The following MEGF10 variants were observed in gnomAD, a reference collection of about 807,000 sequenced individuals.
MEGF10 encodes multiple EGF like domains 10, also known as multiple epidermal growth factor-like domains protein 10.
In MEGF10, 86 loss-of-function variants were observed where a neutral mutation model predicts 147.5. The observed-to-expected ratio is 0.58, with a 90% CI of 0.49 to 0.70. MEGF10 has a LOEUF of 0.70. Ranked by LOEUF, MEGF10 falls within the 30% of genes least tolerant of loss-of-function variation. The pLI is 0.00. For synonymous variants in MEGF10, 478 were observed against 525.5 expected, an observed-to-expected ratio of 0.91 and a Z score of 1.24; for missense variants, 1,329 against 1,487.3, an observed-to-expected ratio of 0.89 and a Z score of 1.75.
At chr5:127,384,139 G>T (rs993032325) in intron 5 of MEGF10, among the ~76,000 whole-genome samples, 1 of 152,130 alleles carries the variant, frequency 6.6e-6, no homozygotes, top group African/African-American at 2.4e-5. Flanking sequence ...CCAGCAATGT[G>T]TGCAATCCTG....
chr5:127,239,948 A>AC, the MEGF10 span, among the ~76,000 whole-genome samples: 1 of 152,126 alleles, frequency 6.6e-6, no homozygotes, highest in East Asian at 1.9e-4. Flanking sequence ...CTGGACCCTG[A>AC]CCCCATCCCC....
intron 5 of MEGF10, among the ~76,000 whole-genome samples, chr5:127,383,374 G>A (rs1293943566): frequency 3.3e-5 from 5 of 152,070 alleles, no homozygotes; most frequent in African/African-American, 1.2e-4. Flanking sequence ...AGGCTGAGGT[G>A]GGGGTATTAC....
chr5:127,459,088 C>T lies in MEGF10; in HGVS notation c.*1770C>T, dbSNP rs2127052979. The T allele has an allele frequency of 6.6e-6, 1 of 152,260 alleles. No homozygotes were observed. Among genetic ancestry groups the T allele is most frequent in the Non-Finnish European group, 1.5e-5 (1 of 68,002 alleles). The allele number at this position is 152,260 out of a possible 1,614,324, so 9.4% of individuals were successfully genotyped here. A position where few individuals can be genotyped will look rare whatever the true frequency, so the allele number is the denominator to read the frequency against. ...CTTCAATCTTTTAAAGACATGAAAT[C>T]CTATATGGCATTCTGTCTCAGTGAG... is the stretch of plus-strand genomic sequence containing the variant. On this transcript the variant is annotated 3_prime_UTR_variant, in exon 25 of 25. Coordinates refer to ENST00000503335, the MANE Select transcript of MEGF10 (RefSeq NM_001256545.2).
the MEGF10 span, among the ~76,000 whole-genome samples, chr5:127,284,325 T>C: frequency 6.6e-6 from 1 of 152,284 alleles, no homozygotes; most frequent in East Asian, 1.9e-4. Flanking sequence ...CCTGCATTTG[T>C]GTTGTGGGGA....
chr5:127,250,456 G>A, the MEGF10 span, among the ~76,000 whole-genome samples: 545 of 152,076 alleles, frequency 3.6e-3, 2 homozygotes, highest in African/African-American at 0.012. Context: ...ATAATCATTT[G>A]TGATTAAAAA....
intron 1 of MEGF10, among the ~76,000 whole-genome samples, chr5:127,324,833 T>G (rs1760940077): frequency 6.6e-6 from 1 of 152,228 alleles, no homozygotes; most frequent in African/African-American, 2.4e-5. Context: ...TCTCACAATC[T>G]GTTATAAAAC....
intron 1 of MEGF10, among the ~76,000 whole-genome samples, chr5:127,328,343 A>G (rs1298079408): frequency 6.6e-6 from 1 of 152,212 alleles, no homozygotes; most frequent in African/African-American, 2.4e-5. Context: ...AAAGATACCA[A>G]GTAATACACA....
intron 1 of MEGF10, among the ~76,000 whole-genome samples, chr5:127,301,926 ATG>A (rs978185539): frequency 5.9e-5 from 9 of 152,216 alleles, no homozygotes; most frequent in African/African-American, 1.9e-4. Context: ...ACGTTAGAAA[ATG>A]TAGTCTCTGA....
intron 5 of MEGF10, among the ~76,000 whole-genome samples, chr5:127,374,254 A>G (rs773003884): frequency 5.9e-5 from 9 of 152,264 alleles, no homozygotes; most frequent in Non-Finnish European, 1.0e-4. Flanking sequence ...CAAGTGCACT[A>G]CGTGCTCTGA....
At position 127,391,100 on chromosome 5, in the gene MEGF10, GCGCACACA is replaced by G. The variant is rs1231578220; in HGVS notation, c.413-5430_413-5423del. On this transcript the variant is annotated intron_variant, in intron 5 of 24. Transcript: ENST00000503335. Reference sequence around the variant, plus strand: ...TACATACACACATGCGCGCGCGCGCGCGCACACACACACACACACACACACACACACAC... The same window carrying G: ...TACATACACACATGCGCGCGCGCGCGCACACACACACACACACACACACAC... Among the ~76,000 whole-genome samples, 174 of 40,098 alleles carry G rather than the reference GCGCACACA, an allele frequency of 4.3e-3. 2 individuals are homozygous for G. The highest frequency in any genetic ancestry group is 0.021 in the Middle Eastern group (1 of 48). 26.3% of individuals were successfully genotyped at this position (40,098 alleles called of 152,430 possible). A position where few individuals can be genotyped will look rare whatever the true frequency, so the allele number is the denominator to read the frequency against.
intron 9 of MEGF10, among the ~76,000 whole-genome samples, chr5:127,415,771 CA>C (rs1764740337): frequency 6.6e-6 from 1 of 151,456 alleles, no homozygotes; most frequent in South Asian, 2.1e-4. Flanking sequence ...GGGCATGGGG[CA>C]CACGCCTGTA....
chr5:127,445,064 G>C (rs62373915), intron 19 of MEGF10, among the ~76,000 whole-genome samples: 3 of 152,278 alleles, frequency 2.0e-5, no homozygotes, highest in East Asian at 3.9e-4. Context: ...AAATCCTACT[G>C]TTGAATCTCT....
chr5:127,444,516 G>T (rs956165014), intron 19 of MEGF10: 1 of 152,178 alleles, frequency 6.6e-6, no homozygotes, highest in Non-Finnish European at 1.5e-5. Flanking sequence ...GCAGTGACAT[G>T]GAGGCCTCTT....
chr5:127,457,473 G>C lies in MEGF10; in HGVS notation c.*155G>C. The C allele has an allele frequency of 1.3e-6, 1 of 744,870 alleles. No homozygotes were observed. The highest frequency in any genetic ancestry group is 3.0e-5 in the Admixed American group (1 of 33,052). 46.1% of individuals were successfully genotyped at this position (744,870 alleles called of 1,614,324 possible). A position where few individuals can be genotyped will look rare whatever the true frequency, so the allele number is the denominator to read the frequency against. On this transcript the variant is annotated 3_prime_UTR_variant, in exon 25 of 25. Coordinates refer to ENST00000503335, the MANE Select transcript of MEGF10 (RefSeq NM_001256545.2). ...GAAAGCTGAAAGCTGAGGCTGACAC[G>C]GACTGTAGGTGCTTTTTGTTCAGGT...
chr5:127,434,844 C>G (rs1487992152), intron 15 of MEGF10, 23 bp downstream of exon 15: 1 of 1,606,318 alleles, frequency 6.2e-7, no homozygotes. Context: ...GCATCCCGGA[C>G]AGCTGGGTGG....
intron 2 of MEGF10, among the ~76,000 whole-genome samples, chr5:127,332,463 G>A (rs975942915): frequency 1.4e-4 from 22 of 152,136 alleles, no homozygotes; most frequent in African/African-American, 5.1e-4. Context: ...AAAGCCCAGA[G>A]CCTCTCAAGC....
intron 3 of MEGF10, among the ~76,000 whole-genome samples, chr5:127,339,688 A>G (rs1761605282): frequency 1.3e-5 from 2 of 152,152 alleles, no homozygotes; most frequent in East Asian, 3.8e-4. Context: ...TATTAATGTT[A>G]ATATAGAAGG....
intron 1 of MEGF10, among the ~76,000 whole-genome samples, chr5:127,327,778 G>T (rs1187948962): frequency 6.8e-6 from 1 of 147,374 alleles, no homozygotes; most frequent in Non-Finnish European, 1.5e-5. Context: ...GCAATGGCAC[G>T]ATCTTGGCTC....
rs766712303 is a variant in MEGF10 at position 127,402,667 on chromosome 5, G to A, written c.902G>A (p.Gly301Glu). The change falls in exon 8 of 25, where the codon GGA becomes GAA. Residue 301 changes from glycine to glutamate, a missense_variant. Coordinates refer to ENST00000503335, the MANE Select transcript of MEGF10 (RefSeq NM_001256545.2). Reference sequence around the variant, plus strand: ...ACAGGCCAATGTCATTGCAGTCCAGGATACACAGGGGAACGGTAAGGGATG... The same window carrying A: ...ACAGGCCAATGTCATTGCAGTCCAGAATACACAGGGGAACGGTAAGGGATG... Reference protein sequence around the residue: ...AATGQCHCSPGYTGERCQDEC... With the variant: ...AATGQCHCSPEYTGERCQDEC... The A allele has an allele frequency of 2.5e-6, 4 of 1,613,984 alleles. No homozygotes were observed. Among genetic ancestry groups the A allele is most frequent in the Admixed American group, 1.7e-5 (1 of 60,002 alleles).
Sources: gnomAD v4.1 joint callset for allele counts (sites outside exome capture counted in the v4.1 genomes callset) on GRCh38, gnomAD v4.1.1 for gene constraint, MANE v1.5 for transcripts, NCBI Gene and HGNC (gene_info 2026-07-23, HGNC 2026-07-21) for gene names.